Variants in CNTN5 observed in about 807,000 individuals in gnomAD.
CNTN5 encodes contactin 5.
Under a neutral mutation model 129.1 loss-of-function variants are expected in CNTN5, and 77 were observed. The ratio of observed to expected loss-of-function variants is 0.60; its 90% CI spans 0.50 to 0.72. The LOEUF (loss-of-function observed/expected upper bound fraction) is 0.72, where lower values mean the gene tolerates loss of function less well. Ranked by LOEUF, CNTN5 falls within the 30% of genes least tolerant of loss-of-function variation. CNTN5 has a pLI of 0.00. For synonymous variants in CNTN5, 509 were observed against 465.6 expected (o/e 1.09, Z -1.20); for missense variants, 1,478 against 1,328.8 (o/e 1.11, Z -1.75).
At chr11:99,380,977 C>G (rs1214937421) in intron 2 of CNTN5, among the ~76,000 whole-genome samples, 1 of 151,904 alleles carries the variant, frequency 6.6e-6, no homozygotes, top group African/African-American at 2.4e-5. Flanking sequence ...TAAGAAGTAC[C>G]AAAATCTGAG....
intron 1 of CNTN5, among the ~76,000 whole-genome samples, chr11:99,076,287 G>T (rs1358078432): frequency 6.6e-6 from 1 of 151,984 alleles, no homozygotes; most frequent in Non-Finnish European, 1.5e-5. Context: ...GTGAACCGAG[G>T]TTGCACCCAG....
At chr11:100,234,209 G>T (rs550435848) in intron 16 of CNTN5, among the ~76,000 whole-genome samples, 1 of 147,720 alleles carries the variant, frequency 6.8e-6, no homozygotes, top group Non-Finnish European at 1.5e-5. Context: ...GTGTAAATTA[G>T]TTCAACCATT....
At chr11:99,756,911 G>C (rs1381711271) in intron 3 of CNTN5, among the ~76,000 whole-genome samples, 2 of 128,130 alleles carry the variant, frequency 1.6e-5, no homozygotes, top group South Asian at 3.4e-4. Flanking sequence ...AAACAATAGA[G>C]GGTTTTTTTT....
At chr11:99,835,741 A>T (rs1226094695) in intron 4 of CNTN5, among the ~76,000 whole-genome samples, 3 of 152,178 alleles carry the variant, frequency 2.0e-5, no homozygotes, top group Non-Finnish European at 4.4e-5. Flanking sequence ...AATTTAAAAA[A>T]CTGGAGCACT....
At chr11:99,840,215 T>G (rs1354292256) in intron 4 of CNTN5, among the ~76,000 whole-genome samples, 2 of 152,098 alleles carry the variant, frequency 1.3e-5, no homozygotes, top group Admixed American at 1.3e-4. Flanking sequence ...GTAGTGAACG[T>G]GTAATTTGAT....
At chr11:100,039,231 T>C (rs992460978) in intron 9 of CNTN5, among the ~76,000 whole-genome samples, 5 of 152,326 alleles carry the variant, frequency 3.3e-5, no homozygotes, top group African/African-American at 1.2e-4. Flanking sequence ...CTTATGAAGC[T>C]TAATTTGGCT....
chr11:99,788,524 T>C (rs1319021365), intron 3 of CNTN5, among the ~76,000 whole-genome samples: 1 of 151,910 alleles, frequency 6.6e-6, no homozygotes, highest in Non-Finnish European at 1.5e-5. Context: ...TGATGAAAAA[T>C]AGATTTTAGA....
chr11:99,711,670 C>T (rs2134960544), intron 3 of CNTN5, among the ~76,000 whole-genome samples: 1 of 151,968 alleles, frequency 6.6e-6, no homozygotes, highest in African/African-American at 2.4e-5. Flanking sequence ...TGTGATGTCC[C>T]CTTCCCTGTG....
intron 6 of CNTN5, among the ~76,000 whole-genome samples, chr11:99,912,059 A>G (rs1247163272): frequency 6.6e-6 from 1 of 151,996 alleles, no homozygotes; most frequent in African/African-American, 2.4e-5. Flanking sequence ...ATTGAGGCAG[A>G]TACATATTTT....
chr11:99,034,120 C>CA (rs1393280780), intron 1 of CNTN5, among the ~76,000 whole-genome samples: 1 of 152,076 alleles, frequency 6.6e-6, no homozygotes, highest in African/African-American at 2.4e-5. Flanking sequence ...GGATGAAGCC[C>CA]ACTTGATCAT....
chr11:99,776,575 A>G (rs1396405447), intron 3 of CNTN5, among the ~76,000 whole-genome samples: 5 of 151,248 alleles, frequency 3.3e-5, no homozygotes, highest in Admixed American at 2.0e-4. Context: ...TGTTCTTTCC[A>G]TAACTTTCTC....
chr11:99,167,827 C>T (rs1253252934), intron 1 of CNTN5, among the ~76,000 whole-genome samples: 1 of 151,892 alleles, frequency 6.6e-6, no homozygotes, highest in Non-Finnish European at 1.5e-5. Flanking sequence ...TTTGATATAA[C>T]TATAATGAGA....
chr11:100,037,353 T>TG (rs1942080772), intron 9 of CNTN5, among the ~76,000 whole-genome samples: 1 of 152,080 alleles, frequency 6.6e-6, no homozygotes, highest in Non-Finnish European at 1.5e-5. Context: ...TTTGATGTGC[T>TG]GCTGGATTTG....
intron 3 of CNTN5, among the ~76,000 whole-genome samples, chr11:99,591,454 C>T (rs2135668638): frequency 6.6e-6 from 1 of 151,468 alleles, no homozygotes; most frequent in African/African-American, 2.4e-5. Context: ...TCTCCTGCCT[C>T]AGCCTCCCGA....
intron 1 of CNTN5, among the ~76,000 whole-genome samples, chr11:99,141,676 A>G (rs1310937354): frequency 1.3e-5 from 2 of 151,926 alleles, no homozygotes; most frequent in Admixed American, 6.6e-5. Context: ...TGTGTCGCAG[A>G]GTTTCTAGTA....
intron 1 of CNTN5, among the ~76,000 whole-genome samples, chr11:99,275,907 G>T (rs1863404613): frequency 6.6e-6 from 1 of 151,396 alleles, no homozygotes; most frequent in Non-Finnish European, 1.5e-5. Context: ...AAACCACATT[G>T]AAAGAACATG....
chr11:100,338,527 GAAAA>G (rs1291036869), intron 21 of CNTN5, among the ~76,000 whole-genome samples: 2 of 151,146 alleles, frequency 1.3e-5, no homozygotes, highest in Non-Finnish European at 3.0e-5. Context: ...TAAGTTGGGG[GAAAA>G]AAAAAGAATT....
At chr11:99,420,109 C>G (rs977651514) in intron 2 of CNTN5, among the ~76,000 whole-genome samples, 1 of 152,106 alleles carries the variant, frequency 6.6e-6, no homozygotes, top group African/African-American at 2.4e-5. Context: ...GTGCAGCCCT[C>G]TATTTACTTA....
intron 2 of CNTN5, among the ~76,000 whole-genome samples, chr11:99,352,925 G>C (rs1315493611): frequency 6.6e-6 from 1 of 152,218 alleles, no homozygotes; most frequent in Non-Finnish European, 1.5e-5. Context: ...GCATAGAGAT[G>C]GCTGTCTGCC....
Sources: gnomAD v4.1 joint callset for allele counts (sites outside exome capture counted in the v4.1 genomes callset) on GRCh38, gnomAD v4.1.1 for gene constraint, MANE v1.5 for transcripts, NCBI Gene and HGNC (gene_info 2026-07-23, HGNC 2026-07-21) for gene names.